The following MYO5B variants were observed in gnomAD, a reference collection of about 807,000 sequenced individuals.
MYO5B encodes myosin VB, also known as unconventional myosin-Vb.
MYO5B carries 143 observed loss-of-function variants against 229.3 expected under a neutral mutation model. That is an observed-to-expected ratio of 0.62 (90% CI 0.54 to 0.72). The LOEUF is 0.72. Among genes scored for constraint, MYO5B ranks in the 30% least tolerant of loss-of-function variants. The probability of loss-of-function intolerance (pLI) is 0.00; values close to 1 mark genes in which losing one functional copy is unlikely to be tolerated. For missense variants in MYO5B, 2,321 were observed against 2,331.0 expected (o/e 1.00, Z 0.09); for synonymous variants, 918 against 885.2 (o/e 1.04, Z -0.66).
intron 1 of MYO5B, among the ~76,000 whole-genome samples, chr18:50,177,934 T>C (rs1391992663): frequency 6.6e-6 from 1 of 152,186 alleles, no homozygotes; most frequent in Non-Finnish European, 1.5e-5. Context: ...CCCATCCTTC[T>C]TGTCATCTCC....
chr18:49,978,144 C>T (rs1473252002), intron 9 of MYO5B, among the ~76,000 whole-genome samples: 1 of 152,176 alleles, frequency 6.6e-6, no homozygotes, highest in African/African-American at 2.4e-5. Flanking sequence ...ATCCAAACCT[C>T]AACCTCTCAG....
At chr18:49,896,364 C>A (rs556226221) in intron 21 of MYO5B, among the ~76,000 whole-genome samples, 1 of 152,194 alleles carries the variant, frequency 6.6e-6, no homozygotes, top group Non-Finnish European at 1.5e-5. Flanking sequence ...TCTAAGGCAT[C>A]ACAAAGAAGA....
intron 1 of MYO5B, among the ~76,000 whole-genome samples, chr18:50,107,890 T>C (rs553633652): frequency 6.6e-6 from 1 of 152,118 alleles, no homozygotes; most frequent in African/African-American, 2.4e-5. Flanking sequence ...TGACCCTCCC[T>C]CTAGAGCAAA....
At chr18:50,194,081 A>G (rs1790435) in intron 1 of MYO5B, among the ~76,000 whole-genome samples, 134,456 of 152,170 alleles carry the variant, frequency 0.88, 59,489 homozygotes, top group African/African-American at 0.9. Context: ...TGTACCAAAG[A>G]GGCCGCGTCA....
chr18:50,018,883 G>GA (rs1332919981), intron 4 of MYO5B, among the ~76,000 whole-genome samples: 1 of 152,156 alleles, frequency 6.6e-6, no homozygotes, highest in Non-Finnish European at 1.5e-5. Context: ...AGGAGGGGAA[G>GA]AAAAAAGAAA....
chr18:49,902,383 T>C (rs2024851390), intron 21 of MYO5B, among the ~76,000 whole-genome samples: 2 of 152,210 alleles, frequency 1.3e-5, no homozygotes, highest in Admixed American at 1.3e-4. Context: ...CCTTTTGCCA[T>C]ATAAGGTAAC....
intron 5 of MYO5B, among the ~76,000 whole-genome samples, chr18:49,998,799 T>C (rs941083247): frequency 6.6e-6 from 1 of 152,072 alleles, no homozygotes; most frequent in Non-Finnish European, 1.5e-5. Context: ...TGTGTGGGGG[T>C]ACCTAGAATA....
chr18:49,997,941 T>A (rs2026007666), intron 5 of MYO5B, among the ~76,000 whole-genome samples: 1 of 152,190 alleles, frequency 6.6e-6, no homozygotes, highest in African/African-American at 2.4e-5. Flanking sequence ...AGTAATCAGC[T>A]GTCTGTCCCC....
chr18:50,062,633 C>CT (rs2030716923), intron 1 of MYO5B, among the ~76,000 whole-genome samples: 1 of 152,186 alleles, frequency 6.6e-6, no homozygotes. Flanking sequence ...CCTGCACCCC[C>CT]TCCCAGTAGA....
Position 49,902,746 on chromosome 18 carries a change from C to A in MYO5B, c.2659G>T (p.Ala887Ser), listed in dbSNP as rs1156798499. The A allele has an allele frequency of 3.7e-6, 6 of 1,608,254 alleles. No homozygotes were observed. The Admixed American group carries it at 1.0e-4, about 27-fold the overall frequency. ...RRHFQRLRDA[A>S]IVIQCAFRML... ...CGGAAGGCACACTGGATGACAATGG[C>A]TGCATCCCGCAGCCGCTGGAAGTGC... The change falls in exon 21 of 40, where the codon GCC becomes TCC. Residue 887 changes from alanine to serine, a missense_variant. By Grantham distance (99) the Ala-to-Ser change is moderately conservative. This residue lies in a region of MYO5B where 2,113 missense variants were observed against 2,044.7 expected (regional missense o/e 1.03). Transcript: ENST00000285039.
intron 16 of MYO5B, among the ~76,000 whole-genome samples, chr18:49,930,083 G>A (rs1346447040): frequency 1.3e-5 from 2 of 152,146 alleles, no homozygotes; most frequent in Non-Finnish European, 2.9e-5. Context: ...TTACCAGCTG[G>A]GTGTCTACTT....
chr18:50,001,598 G>C (rs2026048034), intron 4 of MYO5B, among the ~76,000 whole-genome samples, 187 bp from the exon 5 acceptor site: 1 of 152,150 alleles, frequency 6.6e-6, no homozygotes, highest in Non-Finnish European at 1.5e-5. Flanking sequence ...AAAGCAGGAG[G>C]AAGAAAGCAA....
chr18:49,858,776 GTGC>G (rs1227310575), intron 29 of MYO5B, among the ~76,000 whole-genome samples: 3 of 152,190 alleles, frequency 2.0e-5, no homozygotes, highest in Admixed American at 6.5e-5. Flanking sequence ...GCAGCCCACA[GTGC>G]TCAGGAAATC....
chr18:49,893,024 G>C (rs1027244623), intron 22 of MYO5B, among the ~76,000 whole-genome samples: 3 of 152,198 alleles, frequency 2.0e-5, no homozygotes, highest in Admixed American at 6.5e-5. Flanking sequence ...GAGAGGAGGA[G>C]GGAGTCTGCT....
intron 1 of MYO5B, among the ~76,000 whole-genome samples, chr18:50,143,035 C>T (rs1204943485): frequency 6.6e-6 from 1 of 152,214 alleles, no homozygotes; most frequent in Non-Finnish European, 1.5e-5. Flanking sequence ...GACTTCTGTC[C>T]AGCCAAGGGG....
At chr18:49,863,106 A>G in intron 29 of MYO5B, 121 bp downstream of exon 29, 1 of 792,084 alleles carries the variant, frequency 1.3e-6, no homozygotes, top group Non-Finnish European at 2.2e-6. Flanking sequence ...TGTGTCCTCT[A>G]ATAAATAATT....
chr18:49,826,767 C>A (rs2144012867), intron 39 of MYO5B, 144 bp from the exon 40 acceptor site: 8 of 1,004,434 alleles, frequency 8.0e-6, no homozygotes, highest in Middle Eastern at 3.1e-4. Flanking sequence ...AGAATGTGAT[C>A]TCCTCACCCT....
At chr18:49,957,682 CA>C (rs72450719) in intron 12 of MYO5B, among the ~76,000 whole-genome samples, 2,725 of 120,832 alleles carry the variant, frequency 0.023, 73 homozygotes, top group African/African-American at 0.064. Flanking sequence ...CAAAAAAAGC[CA>C]AAAAAAAAAA....
At chr18:49,995,496 T>A (rs2025978364) in intron 5 of MYO5B, among the ~76,000 whole-genome samples, 1 of 152,028 alleles carries the variant, frequency 6.6e-6, no homozygotes, top group Non-Finnish European at 1.5e-5. Flanking sequence ...CCTGACCTCG[T>A]GACCCACCCA....
Sources: gnomAD v4.1 joint callset for allele counts (sites outside exome capture counted in the v4.1 genomes callset) on GRCh38, gnomAD v4.1.1 for gene constraint, gnomAD v4.1.1 regional missense constraint, MANE v1.5 for transcripts, NCBI Gene and HGNC (gene_info 2026-07-23, HGNC 2026-07-21) for gene names.